The following FAF1 variants were observed in gnomAD, a reference collection of about 807,000 sequenced individuals.
FAF1 encodes Fas associated factor 1.
Under a neutral mutation model 92.5 loss-of-function variants are expected in FAF1, and 25 were observed. The observed-to-expected ratio is 0.27, with a 90% CI of 0.20 to 0.38. The LOEUF is 0.38. FAF1 is among the 10% of genes least tolerant of loss of function. FAF1 has a pLI of 1.00. For missense variants in FAF1, 636 were observed against 793.3 expected (o/e 0.80, Z 2.38); for synonymous variants, 234 against 273.2 (o/e 0.86, Z 1.42).
intron 6 of FAF1, among the ~76,000 whole-genome samples, chr1:50,715,926 T>C (rs893872792): frequency 2.6e-5 from 4 of 152,224 alleles, no homozygotes; most frequent in African/African-American, 9.6e-5. Context: ...CATATATTAT[T>C]AGCTTACATA....
At chr1:50,674,000 G>A (rs1376702273) in intron 7 of FAF1, among the ~76,000 whole-genome samples, 3 of 151,860 alleles carry the variant, frequency 2.0e-5, no homozygotes, top group Non-Finnish European at 2.9e-5. Flanking sequence ...ACCCAGGCTG[G>A]AGTGCAGTGG....
At chr1:50,693,333 A>T (rs1262295973) in intron 7 of FAF1, among the ~76,000 whole-genome samples, 1 of 152,156 alleles carries the variant, frequency 6.6e-6, no homozygotes, top group Non-Finnish European at 1.5e-5. Flanking sequence ...TCTTGCTGAA[A>T]ATTAATTGAC....
At chr1:50,770,983 T>C (rs985719711) in intron 4 of FAF1, among the ~76,000 whole-genome samples, 1 of 152,084 alleles carries the variant, frequency 6.6e-6, no homozygotes, top group South Asian at 2.1e-4. Flanking sequence ...TTCGACAAAG[T>C]TGACAAAAAC....
At chr1:50,666,819 G>A (rs1334890141) in intron 7 of FAF1, among the ~76,000 whole-genome samples, 1 of 152,140 alleles carries the variant, frequency 6.6e-6, no homozygotes, top group Non-Finnish European at 1.5e-5. Flanking sequence ...GGAGGCAGAG[G>A]TTGCAGTGAG....
At chr1:50,683,749 A>G (rs1388897207) in intron 7 of FAF1, among the ~76,000 whole-genome samples, 1 of 151,906 alleles carries the variant, frequency 6.6e-6, no homozygotes, top group Non-Finnish European at 1.5e-5. Flanking sequence ...CCTGACCAAC[A>G]CGGAGAAACC....
intron 4 of FAF1, among the ~76,000 whole-genome samples, chr1:50,755,329 C>A (rs145015687): frequency 3.2e-3 from 489 of 152,312 alleles, no homozygotes; most frequent in South Asian, 6.6e-3. Flanking sequence ...TCCAGCAGGG[C>A]AGTCAAATCT....
intron 15 of FAF1, among the ~76,000 whole-genome samples, chr1:50,508,477 CA>C (rs1647088085): frequency 6.6e-6 from 1 of 152,064 alleles, no homozygotes; most frequent in Admixed American, 6.6e-5. Flanking sequence ...AGAAGTCAGA[CA>C]AAAAAGTCAT....
At chr1:50,468,751 G>T (rs568025098) in intron 18 of FAF1, among the ~76,000 whole-genome samples, 1 of 151,974 alleles carries the variant, frequency 6.6e-6, no homozygotes, top group Non-Finnish European at 1.5e-5. Flanking sequence ...GAGCCACCAC[G>T]CCCGGCCTAA....
chr1:50,591,676 A>C (rs930817131), intron 9 of FAF1, among the ~76,000 whole-genome samples: 1 of 8,228 alleles, frequency 1.2e-4, no homozygotes. Context: ...CCATCTCAGA[A>C]AAAAAAAAAA....
intron 17 of FAF1, among the ~76,000 whole-genome samples, chr1:50,481,743 A>C (rs1274494194): frequency 6.6e-6 from 1 of 152,154 alleles, no homozygotes; most frequent in Non-Finnish European, 1.5e-5. Context: ...TGTAAACCTC[A>C]GTAAGCAAAG....
intron 6 of FAF1, among the ~76,000 whole-genome samples, chr1:50,729,109 G>T (rs1449377494): frequency 7.1e-6 from 1 of 140,702 alleles, no homozygotes; most frequent in African/African-American, 2.7e-5. Flanking sequence ...AGGCTGAAGT[G>T]CAATGGCACA....
intron 3 of FAF1, among the ~76,000 whole-genome samples, chr1:50,798,629 T>C (rs1013786735): frequency 2.6e-5 from 4 of 152,210 alleles, no homozygotes; most frequent in Admixed American, 6.5e-5. Context: ...CAATATACTG[T>C]CTCATGAAAT....
intron 6 of FAF1, among the ~76,000 whole-genome samples, chr1:50,737,137 A>C (rs753611663): frequency 6.6e-6 from 1 of 152,210 alleles, no homozygotes; most frequent in Non-Finnish European, 1.5e-5. Flanking sequence ...GAATCATTAT[A>C]ACTTGGTAAA....
intron 2 of FAF1, among the ~76,000 whole-genome samples, chr1:50,805,205 T>C (rs1175803706): frequency 6.6e-6 from 1 of 152,224 alleles, no homozygotes; most frequent in Non-Finnish European, 1.5e-5. Context: ...CATACTGTAA[T>C]GTATTTTAAG....
chr1:50,493,510 C>T (rs1646864064), intron 15 of FAF1, among the ~76,000 whole-genome samples: 8 of 152,154 alleles, frequency 5.3e-5, no homozygotes, highest in Admixed American at 5.2e-4. Flanking sequence ...CTGACTTCAT[C>T]CTTTCAAATT....
chr1:50,589,190 G>A (rs767565561), intron 9 of FAF1, among the ~76,000 whole-genome samples: 21 of 152,150 alleles, frequency 1.4e-4, no homozygotes, highest in Non-Finnish European at 2.8e-4. Context: ...GTAGTGGTGG[G>A]TTTGAAGCCT....
At chr1:50,864,966 T>G (rs1487044847) in intron 1 of FAF1, among the ~76,000 whole-genome samples, 1 of 151,866 alleles carries the variant, frequency 6.6e-6, no homozygotes, top group Non-Finnish European at 1.5e-5. Context: ...ATATCCAGAA[T>G]CTACAATGAA....
At chr1:50,529,746 G>A (rs1229646304) in intron 15 of FAF1, among the ~76,000 whole-genome samples, 12 of 152,146 alleles carry the variant, frequency 7.9e-5, no homozygotes, top group Non-Finnish European at 1.6e-4. Flanking sequence ...CTGATTAGTT[G>A]ATAAACTTTA....
At chr1:50,452,455 G>A (rs1646305615) in intron 18 of FAF1, among the ~76,000 whole-genome samples, 1 of 152,210 alleles carries the variant, frequency 6.6e-6, no homozygotes, top group Admixed American at 6.5e-5. Flanking sequence ...AGCCTAGTAT[G>A]GTTCTCCAGT....
Sources: gnomAD v4.1 joint callset for allele counts (sites outside exome capture counted in the v4.1 genomes callset) on GRCh38, gnomAD v4.1.1 for gene constraint, MANE v1.5 for transcripts, NCBI Gene and HGNC (gene_info 2026-07-23, HGNC 2026-07-21) for gene names.